Variants in PPP1R9A observed in about 807,000 individuals in gnomAD.
PPP1R9A encodes the protein protein phosphatase 1 regulatory subunit 9A.
Under a neutral mutation model 141.9 loss-of-function variants are expected in PPP1R9A, and 59 were observed. The observed-to-expected ratio is 0.42, with a 90% confidence interval of 0.34 to 0.52. PPP1R9A has a LOEUF of 0.52. PPP1R9A is among the 20% of genes least tolerant of loss of function. The pLI, the probability that PPP1R9A is intolerant of heterozygous loss-of-function variation, is 0.10. For missense variants in PPP1R9A, 1,444 were observed against 1,611.9 expected (o/e 0.90, Z 1.78); for synonymous variants, 500 against 569.7 (o/e 0.88, Z 1.74).
chr7:95,268,625 A>G lies in PPP1R9A; in HGVS notation c.2741A>G (p.Lys914Arg), dbSNP rs760186557. The G allele has an allele frequency of 1.9e-6, 3 of 1,613,430 alleles. No individual in the cohort carries two copies. The highest frequency in any genetic ancestry group is 1.7e-5 in the Admixed American group (1 of 59,936). The change falls in exon 13 of 20, where the codon AAG becomes AGG. Residue 914 changes from lysine (K) to arginine (R), a missense_variant. By Grantham distance (26) the Lys-to-Arg change is conservative. Transcript: ENST00000433360. ...AAAACTCGAGCCCAGCTCTCTGTGA[A>G]GAACAGACGCCAGAGACCCTCTAGG... ...ALKTRAQLSV[K>R]NRRQRPSRTR...
intron 3 of PPP1R9A, among the ~76,000 whole-genome samples, chr7:95,113,714 A>C (rs1052870364): frequency 6.6e-6 from 1 of 152,212 alleles, no homozygotes; most frequent in Non-Finnish European, 1.5e-5. Context: ...GGTGAAAGAA[A>C]GACATCTGCT....
At chr7:95,221,055 C>T (rs1794383096) in intron 7 of PPP1R9A, among the ~76,000 whole-genome samples, 1 of 152,062 alleles carries the variant, frequency 6.6e-6, no homozygotes, top group South Asian at 2.1e-4. Flanking sequence ...GTGTTGAGGT[C>T]TTCTAGGAAC....
At chr7:95,119,064 TA>T (rs2152477228) in intron 3 of PPP1R9A, among the ~76,000 whole-genome samples, 1 of 152,144 alleles carries the variant, frequency 6.6e-6, no homozygotes, top group African/African-American at 2.4e-5. Flanking sequence ...AAAAGTCTTT[TA>T]AAAGTGTCAT....
chr7:95,080,304 CAGAG>C (rs1209181533), intron 2 of PPP1R9A, among the ~76,000 whole-genome samples: 2 of 151,860 alleles, frequency 1.3e-5, no homozygotes, highest in Non-Finnish European at 2.9e-5. Flanking sequence ...AACAGACAAA[CAGAG>C]AGCCAAATCA....
intron 2 of PPP1R9A, among the ~76,000 whole-genome samples, chr7:94,995,128 AT>A (rs149964656): frequency 3.3e-4 from 50 of 151,614 alleles, no homozygotes; most frequent in African/African-American, 1.1e-3. Flanking sequence ...CTAAGTTGAT[AT>A]TTTTTTTCAT....
chr7:94,989,793 T>C (rs886842654), intron 2 of PPP1R9A, among the ~76,000 whole-genome samples: 2 of 152,126 alleles, frequency 1.3e-5, no homozygotes, highest in Non-Finnish European at 2.9e-5. Context: ...ACAGATTATT[T>C]CATACGTAGC....
intron 2 of PPP1R9A, among the ~76,000 whole-genome samples, chr7:95,063,235 T>C (rs1812484625): frequency 6.6e-6 from 1 of 152,178 alleles, no homozygotes; most frequent in South Asian, 2.1e-4. Flanking sequence ...CAAACTAATC[T>C]TGTGTGACCC....
At chr7:95,180,022 A>G (rs924502891) in intron 5 of PPP1R9A, among the ~76,000 whole-genome samples, 3 of 152,178 alleles carry the variant, frequency 2.0e-5, no homozygotes, top group Non-Finnish European at 4.4e-5. Context: ...TTAGGAAAAA[A>G]CAATTCTAAA....
At chr7:95,130,274 A>G (rs1824347591) in intron 4 of PPP1R9A, among the ~76,000 whole-genome samples, 1 of 152,172 alleles carries the variant, frequency 6.6e-6, no homozygotes, top group South Asian at 2.1e-4. Flanking sequence ...CAAGGTAGCT[A>G]GCGCTTGGGC....
intron 2 of PPP1R9A, among the ~76,000 whole-genome samples, chr7:94,987,648 A>G (rs2151394176): frequency 6.6e-6 from 1 of 152,258 alleles, no homozygotes; most frequent in African/African-American, 2.4e-5. Context: ...TGAAAGGGAT[A>G]TTTATGAAAT....
intron 5 of PPP1R9A, among the ~76,000 whole-genome samples, chr7:95,188,596 TTTTG>T (rs1834995309): frequency 1.8e-5 from 2 of 113,492 alleles, no homozygotes; most frequent in Non-Finnish European, 3.5e-5. Flanking sequence ...CTGTGTTGTG[TTTTG>T]TTTTTTTTTT....
chr7:95,194,104 T>A (rs1835894834), intron 5 of PPP1R9A, among the ~76,000 whole-genome samples: 1 of 152,074 alleles, frequency 6.6e-6, no homozygotes, highest in South Asian at 2.1e-4. Context: ...AATGCTACTC[T>A]ATGATGCATT....
intron 2 of PPP1R9A, among the ~76,000 whole-genome samples, chr7:94,980,094 G>T (rs1200394308): frequency 1.3e-5 from 2 of 151,346 alleles, no homozygotes; most frequent in South Asian, 2.1e-4. Context: ...CTAAGCTGGG[G>T]TGTCCAATCT....
intron 2 of PPP1R9A, among the ~76,000 whole-genome samples, chr7:94,963,733 A>G (rs964146889): frequency 2.8e-4 from 43 of 152,170 alleles, no homozygotes; most frequent in Admixed American, 2.4e-3. Flanking sequence ...GAAGTTTTGA[A>G]TATTTGCAAT....
chr7:95,184,547 A>G (rs1285975031), intron 5 of PPP1R9A, among the ~76,000 whole-genome samples: 7 of 152,032 alleles, frequency 4.6e-5, no homozygotes, highest in African/African-American at 1.2e-4. Flanking sequence ...GTGATTTCTG[A>G]GATTTTGGTG....
rs1273405213 is a variant in PPP1R9A at position 95,292,213 on chromosome 7, G to A, written c.*1910G>A. 6.6e-6 allele frequency: 1 copy of A among 152,252 alleles called. No homozygotes were observed. Among genetic ancestry groups the A allele is most frequent in the African/African-American group, 2.4e-5 (1 of 41,402 alleles). The allele number at this position is 152,252 out of a possible 1,614,324, so 9.4% of individuals were successfully genotyped here. A position where few individuals can be genotyped will look rare whatever the true frequency, so the allele number is the denominator to read the frequency against. On this transcript the variant is annotated 3_prime_UTR_variant, in exon 20 of 20. Coordinates refer to ENST00000433360, the MANE Select transcript of PPP1R9A (RefSeq NM_001166160.2). ...ACTCTATTAATGTCTTGAGATGTCT[G>A]GTGCTTTGTTATTTTTTCACATCAT...
chr7:94,985,618 C>T (rs991404944), intron 2 of PPP1R9A, among the ~76,000 whole-genome samples: 1 of 152,080 alleles, frequency 6.6e-6, no homozygotes, highest in Non-Finnish European at 1.5e-5. Context: ...GGTTTAAAAT[C>T]TGTTTTATCA....
intron 7 of PPP1R9A, among the ~76,000 whole-genome samples, chr7:95,223,779 T>A (rs1490717337): frequency 6.6e-6 from 1 of 152,050 alleles, no homozygotes; most frequent in Admixed American, 6.6e-5. Context: ...GGTTTAAGCC[T>A]TCATAATAAA....
intron 2 of PPP1R9A, chr7:95,035,652 C>T (rs999220987): frequency 1.3e-5 from 2 of 152,218 alleles, no homozygotes; most frequent in East Asian, 3.9e-4. Context: ...TTCTGTTTGA[C>T]TAATAAGTAG....
Sources: gnomAD v4.1 joint callset for allele counts (sites outside exome capture counted in the v4.1 genomes callset) on GRCh38, gnomAD v4.1.1 for gene constraint, MANE v1.5 for transcripts, NCBI Gene and HGNC (gene_info 2026-07-23, HGNC 2026-07-21) for gene names.